The following PDE2A variants were observed in gnomAD, a reference collection of about 807,000 sequenced individuals.
The protein encoded by PDE2A is phosphodiesterase 2A.
A neutral mutation model predicts 133.6 loss-of-function variants in PDE2A; 53 were observed. The observed-to-expected ratio is 0.40, with a 90% CI of 0.32 to 0.50. The LOEUF is 0.50. Among genes scored for constraint, PDE2A ranks in the 20% least tolerant of loss-of-function variants. PDE2A has a pLI of 0.73. For synonymous variants in PDE2A, 491 were observed against 490.2 expected (o/e 1.00, Z -0.02); for missense variants, 796 against 1,232.4 (o/e 0.65, Z 5.30).
At chr11:72,667,605 G>C (rs1438381765) in intron 1 of PDE2A, among the ~76,000 whole-genome samples, 4 of 152,140 alleles carry the variant, frequency 2.6e-5, no homozygotes, top group African/African-American at 9.7e-5. Context: ...ATTCAGGCTG[G>C]AATGGACTGT....
At chr11:72,665,290 C>A (rs1463135523) in intron 1 of PDE2A, among the ~76,000 whole-genome samples, 1 of 152,088 alleles carries the variant, frequency 6.6e-6, no homozygotes, top group Non-Finnish European at 1.5e-5. Flanking sequence ...TAGAGCCCTG[C>A]ATGATTCAGG....
intron 2 of PDE2A, among the ~76,000 whole-genome samples, chr11:72,609,183 G>T (rs116466508): frequency 1.7e-3 from 254 of 152,386 alleles, no homozygotes; most frequent in African/African-American, 5.9e-3. Context: ...TTCAGTCACT[G>T]AGCCTCAGTC....
At chr11:72,591,493 C>G (rs943692900) in intron 6 of PDE2A, 137 bp from the exon 7 acceptor site, 1 of 678,092 alleles carries the variant, frequency 1.5e-6, no homozygotes, top group African/African-American at 1.8e-5. Context: ...AGTGATAACC[C>G]CATCTTTCTG....
At chr11:72,667,070 C>A (rs183612475) in intron 1 of PDE2A, among the ~76,000 whole-genome samples, 49 of 152,318 alleles carry the variant, frequency 3.2e-4, no homozygotes, top group African/African-American at 1.1e-3. Flanking sequence ...CACGCCACTG[C>A]ACTCCAGTCT....
At chr11:72,671,752 C>G (rs1855391049) in intron 1 of PDE2A, among the ~76,000 whole-genome samples, 1 of 152,104 alleles carries the variant, frequency 6.6e-6, no homozygotes. Context: ...GAGGTTGAGC[C>G]CCAGCCTTGC....
rs533953500 is a variant in PDE2A, at chr11:72,659,205, G to A, written c.71+14932C>T. ...AAGTCTCATTCTTGGTCTCCCGCTG[G>A]GTGAGGAGGCAGTCACAGACCTAAT... On this transcript the variant is annotated intron_variant, in intron 1 of 30. Transcript: ENST00000334456. Among the ~76,000 whole-genome samples, 6 of 150,356 alleles carry A rather than the reference G, an allele frequency of 4.0e-5. No homozygotes were observed. In the South Asian group the frequency reaches 1.1e-3, roughly 27 times the overall value.
rs113644413 is a variant in PDE2A, at chr11:72,626,095, T to C, written c.144+16159A>G. 4.8e-3 allele frequency among the ~76,000 whole-genome samples: 738 copies of C among 152,374 alleles called. 6 individuals carry two copies. Among genetic ancestry groups the C allele is most frequent in the African/African-American group, 0.016 (659 of 41,598 alleles). On this transcript the variant is annotated intron_variant, in intron 2 of 30. Transcript: ENST00000334456. Reference sequence around the variant, plus strand: ...GGCCCTTGACGAGGCTGGCCCTCCCTGGGCCTAGGCCTTGCCCGCGAGCCT... The same window carrying C: ...GGCCCTTGACGAGGCTGGCCCTCCCCGGGCCTAGGCCTTGCCCGCGAGCCT...
At chr11:72,599,005 C>T in intron 4 of PDE2A, 1 of 985,430 alleles carries the variant, frequency 1.0e-6, no homozygotes, top group Non-Finnish European at 1.2e-6. Context: ...GATGATTAAA[C>T]TGATGAAGGC....
Position 72,586,142 on chromosome 11 carries a change from G to A in PDE2A, c.1110C>T (p.Phe370=). ...DEDEHVIQHC[F]HYTSTVLTST... ...TGGTGAGCACGGTGCTGGTGTAGTG[G>A]AAGCAGTGCTGGATCACATGCTCGT... Residue 370 remains phenylalanine (F), a synonymous_variant, in exon 14 of 31, where the codon TTC becomes TTT. Transcript: ENST00000334456. The A allele has an allele frequency of 6.2e-7, 1 of 1,613,152 alleles. No homozygotes were observed. The highest frequency in any genetic ancestry group is 1.1e-5 in the South Asian group (1 of 90,816).
Position 72,638,289 on chromosome 11 carries a change from C to T in PDE2A, c.144+3965G>A, listed in dbSNP as rs528616958. 2.6e-5 allele frequency among the ~76,000 whole-genome samples: 4 copies of T among 152,300 alleles called. No homozygotes were observed. The East Asian group carries it at 5.8e-4, about 22-fold the overall frequency. On this transcript the variant is annotated intron_variant, in intron 2 of 30. Transcript: ENST00000334456. Reference sequence around the variant, plus strand: ...CTGATGAGATGAGAGTCCCCTCATCCGATGGACCCCAGTTTCCCTAGACAG... The same window carrying T: ...CTGATGAGATGAGAGTCCCCTCATCTGATGGACCCCAGTTTCCCTAGACAG...
At chr11:72,656,202 C>T (rs972066454) in intron 1 of PDE2A, among the ~76,000 whole-genome samples, 1 of 152,178 alleles carries the variant, frequency 6.6e-6, no homozygotes, top group African/African-American at 2.4e-5. Flanking sequence ...ACGCTAGGCC[C>T]AGCCCAGCCA....
At chr11:72,588,650 T>G (rs574115298) in intron 13 of PDE2A, 134 bp downstream of exon 13, 1 of 787,470 alleles carries the variant, frequency 1.3e-6, no homozygotes, top group South Asian at 2.4e-5. Flanking sequence ...TCTCTTGCAC[T>G]AACACACTGT....
chr11:72,655,621 T>G (rs1854877067), intron 1 of PDE2A, among the ~76,000 whole-genome samples: 1 of 152,106 alleles, frequency 6.6e-6, no homozygotes, highest in Non-Finnish European at 1.5e-5. Flanking sequence ...GCTCCTCCAT[T>G]TCCTGGATAT....
At position 72,578,909 on chromosome 11, in the gene PDE2A, C is replaced by T. The variant is rs143835725; in HGVS notation, c.2457G>A (p.Thr819=). Residue 819 remains threonine (T), a synonymous_variant, in exon 28 of 31, where the codon ACG becomes ACA. Coordinates refer to ENST00000334456, the MANE Select transcript of PDE2A (RefSeq NM_002599.5). This position sits in a 1 kb window ranked among gnomAD's most constrained non-coding sequence, Gnocchi z 4.2. ...LSDQTKGWKT[T]RKIAELIYKE... ...GGACTACACCTACCGCGATCTTTCT[C>T]GTAGTCTTCCAGCCCTTGGTCTGGT... 76 of 1,609,990 alleles carry T rather than the reference C, an allele frequency of 4.7e-5. No individual in the cohort carries two copies. The highest frequency in any genetic ancestry group is 2.8e-5 in the Non-Finnish European group (33 of 1,176,394).
At chr11:72,582,097 T>G (rs1044802466) in intron 21 of PDE2A, 150 bp from the exon 22 acceptor site, 12 of 661,942 alleles carry the variant, frequency 1.8e-5, no homozygotes, top group Middle Eastern at 3.6e-4. Flanking sequence ...AAGCAACCGT[T>G]CTCGGAGCTA....
chr11:72,589,861 C>T, intron 10 of PDE2A, 46 bp downstream of exon 10: 1 of 1,608,410 alleles, frequency 6.2e-7, no homozygotes, highest in Non-Finnish European at 8.5e-7. Context: ...GACCCGAGTT[C>T]CTCGCCCAGC....
intron 6 of PDE2A, among the ~76,000 whole-genome samples, chr11:72,592,181 G>A (rs1856281461): frequency 6.6e-6 from 1 of 152,206 alleles, no homozygotes; most frequent in Admixed American, 6.5e-5. Flanking sequence ...AGAGACGGTG[G>A]GGAGGGAGGG....
At chr11:72,613,491 C>T (rs975212911) in intron 2 of PDE2A, among the ~76,000 whole-genome samples, 23 of 151,856 alleles carry the variant, frequency 1.5e-4, no homozygotes, top group African/African-American at 5.6e-4. Flanking sequence ...GTGGACCTCC[C>T]TGCCTTCCTC....
chr11:72,580,895 C>T lies in PDE2A; in HGVS notation c.2124G>A (p.Gln708=), dbSNP rs1161508693. The part of the protein sequence containing the change: ...LDHRGTNNSF[Q]VASKSVLAAL... The stretch of plus-strand genomic sequence containing the variant: ...CAGGGCAGGGTCTTACCGAGGCCAC[C>T]TGGAAAGAGTTGTTTGTGCCTCTGT... Residue 708 remains glutamine, a synonymous_variant, in exon 24 of 31, where the codon CAG becomes CAA. Coordinates refer to ENST00000334456, the MANE Select transcript of PDE2A (RefSeq NM_002599.5). 6.2e-7 allele frequency: 1 copy of T among 1,607,610 alleles called. No individual in the cohort carries two copies. Among genetic ancestry groups the T allele is most frequent in the Non-Finnish European group, 8.5e-7 (1 of 1,174,070 alleles).
Sources: gnomAD v4.1 joint callset for allele counts (sites outside exome capture counted in the v4.1 genomes callset) on GRCh38, gnomAD v4.1.1 for gene constraint, Gnocchi (gnomAD v3.1) non-coding constraint, MANE v1.5 for transcripts, NCBI Gene and HGNC (gene_info 2026-07-23, HGNC 2026-07-21) for gene names.